RFLNA: variants seen among roughly 807,000 people sequenced by gnomAD.
RFLNA encodes the protein refilin A.
A neutral mutation model predicts 7.8 loss-of-function variants in RFLNA; 5 were observed. The observed-to-expected ratio is 0.64, with a 90% CI of 0.34 to 1.35. The LOEUF is 1.35. Ranked by LOEUF, RFLNA falls within the 40% of genes most tolerant of loss-of-function variation. The probability of loss-of-function intolerance (pLI) is 0.04; values close to 1 mark genes in which losing one functional copy is unlikely to be tolerated. For missense variants in RFLNA, 278 were observed against 305.5 expected (o/e 0.91, Z 0.67); for synonymous variants, 141 against 131.3 (o/e 1.07, Z -0.50).
At chr12:124,290,402 C>G (rs6488927), upstream of RFLNA, among the ~76,000 whole-genome samples, 1 of 152,226 alleles carries the variant, frequency 6.6e-6, no homozygotes, top group Admixed American at 6.5e-5. The surrounding 1 kb of genome is among the most constrained non-coding windows in gnomAD (Gnocchi z 4.0). Context: ...ATGTGTTTAC[C>G]TGTGTATATG....
At chr12:124,307,155 G>A (rs1435072378) in intron 1 of RFLNA, among the ~76,000 whole-genome samples, 2 of 152,252 alleles carry the variant, frequency 1.3e-5, no homozygotes, top group Non-Finnish European at 2.9e-5. Context: ...CAGAGAGCAG[G>A]GAGAGGGCCG....
intron 1 of RFLNA, among the ~76,000 whole-genome samples, chr12:124,304,454 T>G (rs1220516453): frequency 6.6e-6 from 1 of 152,136 alleles, no homozygotes; most frequent in African/African-American, 2.4e-5. Context: ...AGCCTGTGAA[T>G]TAGGCCTTGT....
chr12:124,312,502 G>T (rs982691861), intron 2 of RFLNA, among the ~76,000 whole-genome samples: 3 of 151,930 alleles, frequency 2.0e-5, no homozygotes, highest in African/African-American at 2.4e-5. Flanking sequence ...GTAGAGATGG[G>T]GTCTCACTAT....
At chr12:124,302,760 G>T (rs536900671) in intron 1 of RFLNA, among the ~76,000 whole-genome samples, 24 of 151,894 alleles carry the variant, frequency 1.6e-4, no homozygotes, top group Non-Finnish European at 2.8e-4. Flanking sequence ...GGTTCTCACC[G>T]CCAGGGAGGT....
upstream of RFLNA, among the ~76,000 whole-genome samples, chr12:124,293,310 G>A (rs1025316190): frequency 2.0e-5 from 3 of 152,198 alleles, no homozygotes; most frequent in African/African-American, 7.2e-5. Flanking sequence ...CCTGCCCTGG[G>A]TAGCTATTGT....
rs772751339 is a variant in RFLNA at position 124,314,288 on chromosome 12, C to T, written c.414C>T (p.Ile138=). ...VPTVTAYSET[I]VAAPNCTWRN... ...CCGTCACGGCCTACAGCGAGACCAT[C>T]GTGGCAGCACCCAACTGCACGTGGC... The change falls in exon 3 of 3, where the codon ATC becomes ATT. Residue 138 remains isoleucine (I), a synonymous_variant. Coordinates refer to ENST00000546355, the MANE Select transcript of RFLNA (RefSeq NM_001365156.1). The T allele has an allele frequency of 6.2e-6, 10 of 1,613,492 alleles. No individual in the cohort carries two copies. Among genetic ancestry groups the T allele is most frequent in the Middle Eastern group, 1.6e-4 (1 of 6,084 alleles).
rs1359123755 is a variant in RFLNA, at chr12:124,302,359, G to A, written c.207+6723G>A. On this transcript the variant is annotated intron_variant, in intron 1 of 2. Transcript: ENST00000546355. ...GCTGCGACGTTCGAGTTTGTTCACC[G>A]TTTCTCTGCCTTGGGTGTCAGATCC... Among the ~76,000 whole-genome samples, 3 of 152,154 alleles carry A rather than the reference G, an allele frequency of 2.0e-5. No homozygotes were observed. In the East Asian group the frequency reaches 5.8e-4, roughly 29 times the overall value.
rs767467306 is a variant in RFLNA at position 124,314,655 on chromosome 12, C to T, written c.*130C>T. ...AAGGGAGGCTGCCAGACCAAGGACC[C>T]GTGTGGAAGGAGGCGGCTCCCCGCT... On this transcript the variant is annotated 3_prime_UTR_variant, in exon 3 of 3. Coordinates refer to ENST00000546355, the MANE Select transcript of RFLNA (RefSeq NM_001365156.1). 1.0e-4 allele frequency: 146 copies of T among 1,458,442 alleles called. No individual in the cohort carries two copies. Among genetic ancestry groups the T allele is most frequent in the Non-Finnish European group, 1.3e-4 (140 of 1,076,896 alleles). The allele number at this position is 1,458,442 out of a possible 1,614,324, so 90.3% of individuals were successfully genotyped here.
At chr12:124,296,112 C>CTT (rs796252406) in intron 1 of RFLNA, among the ~76,000 whole-genome samples, 137 of 3,650 alleles carry the variant, frequency 0.038, 8 homozygotes, top group Middle Eastern at 0.5. Context: ...TTCTTTCTTT[C>CTT]TTTCTTTCTT....
At chr12:124,310,968 A>G (rs949779455) in intron 1 of RFLNA, among the ~76,000 whole-genome samples, 2 of 152,234 alleles carry the variant, frequency 1.3e-5, no homozygotes, top group African/African-American at 4.8e-5. Context: ...ACTGAGGGAC[A>G]GTTTCAGGTG....
In RFLNA at chr12:124,306,119, G is replaced by A. The variant is rs11057577; in HGVS notation, c.208-5699G>A. 0.59 allele frequency among the ~76,000 whole-genome samples: 89,446 copies of A among 151,948 alleles called. 29,650 individuals are homozygous for A. Among genetic ancestry groups the A allele is most frequent in the Non-Finnish European group, 0.76 (51,646 of 67,950 alleles). ...CGGGGCTCTCTGGGTTGGGGCAGGG[G>A]CTGCTTTGCAGGTGTGGGGTCTCCC... On this transcript the variant is annotated intron_variant, in intron 1 of 2. Transcript: ENST00000546355. This position sits in a 1 kb window ranked among gnomAD's most constrained non-coding sequence, Gnocchi z 5.2.
intron 1 of RFLNA, among the ~76,000 whole-genome samples, chr12:124,296,683 T>C (rs765480881): frequency 6.6e-6 from 1 of 152,230 alleles, no homozygotes; most frequent in Non-Finnish European, 1.5e-5. Context: ...CCTCAGGATA[T>C]GACCTTCATT....
At chr12:124,294,077 G>T (rs898052075), upstream of RFLNA, among the ~76,000 whole-genome samples, 1 of 152,202 alleles carries the variant, frequency 6.6e-6, no homozygotes, top group African/African-American at 2.4e-5. Flanking sequence ...CCCGTTCTGA[G>T]GTCCGGCCAA....
At chr12:124,301,219 C>T (rs1397740492) in intron 1 of RFLNA, among the ~76,000 whole-genome samples, 3 of 152,172 alleles carry the variant, frequency 2.0e-5, no homozygotes, top group African/African-American at 4.8e-5. Flanking sequence ...CTTCCAGCCG[C>T]GTCTGCTCGA....
At chr12:124,300,096 GC>G (rs1340809340) in intron 1 of RFLNA, among the ~76,000 whole-genome samples, 1 of 152,222 alleles carries the variant, frequency 6.6e-6, no homozygotes, top group African/African-American at 2.4e-5. Context: ...CAAATGAACA[GC>G]CCCCCTGTGG....
rs577088537 is a variant in RFLNA, at chr12:124,306,008, G to C, written c.208-5810G>C. Among the ~76,000 whole-genome samples the C allele has an allele frequency of 6.6e-6, 1 of 152,324 alleles. No homozygotes were observed. Among genetic ancestry groups the C allele is most frequent in the East Asian group, 1.9e-4 (1 of 5,180 alleles). On this transcript the variant is annotated intron_variant, in intron 1 of 2. Transcript: ENST00000546355. The surrounding 1 kb of genome is among the most constrained non-coding windows in gnomAD (Gnocchi z 5.2). Reference sequence around the variant, plus strand: ...TGTGGTCCTCAGCCCTTGTTCTGGGGTGACCGTGACTAGCAGGGATGGGGC... The same window carrying C: ...TGTGGTCCTCAGCCCTTGTTCTGGGCTGACCGTGACTAGCAGGGATGGGGC...
chr12:124,295,507 C>G lies in RFLNA; in HGVS notation c.78C>G (p.Pro26=), dbSNP rs1012681711. ...GCCGGGAGGGCTTGCTGGACAGCCC[C>G]GACTCCGGGCTGCCCCCCAGCCCCA... The part of the protein sequence containing the change: ...EQGREGLLDS[P]DSGLPPSPSP... The change falls in exon 1 of 3, where the codon CCC becomes CCG. Residue 26 remains proline (P), a synonymous_variant. Transcript: ENST00000546355. 11 of 1,110,260 alleles carry G rather than the reference C, an allele frequency of 9.9e-6. No homozygotes were observed. In the African/African-American group the frequency reaches 4.7e-4, roughly 48 times the overall value. The allele number at this position is 1,110,260 out of a possible 1,614,324, so 68.8% of individuals were successfully genotyped here.
At position 124,314,937 on chromosome 12, in the gene RFLNA, T is replaced by A. The variant is rs1235173144; in HGVS notation, c.*412T>A. On this transcript the variant is annotated 3_prime_UTR_variant, in exon 3 of 3. Coordinates refer to ENST00000546355, the MANE Select transcript of RFLNA (RefSeq NM_001365156.1). ...GACGGCTGCCACTCCCCCAGAGCCC[T>A]GCCACCCCATGTGTCCTAGGCTGGT... The A allele has an allele frequency of 8.2e-6, 3 of 367,616 alleles. No individual in the cohort carries two copies. Among genetic ancestry groups the A allele is most frequent in the African/African-American group, 2.1e-5 (1 of 47,466 alleles). 22.8% of individuals were successfully genotyped at this position (367,616 alleles called of 1,614,324 possible). A position where few individuals can be genotyped will look rare whatever the true frequency, so the allele number is the denominator to read the frequency against.
At position 124,314,442 on chromosome 12, in the gene RFLNA, C is replaced by T. The variant is rs1278606773; in HGVS notation, c.568C>T (p.Pro190Ser). 2 of 1,602,508 alleles carry T rather than the reference C, an allele frequency of 1.2e-6. No homozygotes were observed. The highest frequency in any genetic ancestry group is 1.7e-5 in the Admixed American group (1 of 59,990). Reference protein sequence around the residue: ...RTTLHCSLGRPSRWFTASVQL... With the variant: ...RTTLHCSLGRSSRWFTASVQL... The stretch of plus-strand genomic sequence containing the variant: ...CACCCTGCACTGCAGCCTGGGCCGG[C>T]CCAGCCGCTGGTTCACCGCCAGCGT... The change falls in exon 3 of 3, where the codon CCC becomes TCC. Residue 190 changes from proline (P) to serine (S), a missense_variant. By Grantham distance (74) the Pro-to-Ser change is moderately conservative. Transcript: ENST00000546355.
Sources: gnomAD v4.1 joint callset for allele counts (sites outside exome capture counted in the v4.1 genomes callset) on GRCh38, gnomAD v4.1.1 for gene constraint, Gnocchi (gnomAD v3.1) non-coding constraint, MANE v1.5 for transcripts, NCBI Gene and HGNC (gene_info 2026-07-23, HGNC 2026-07-21) for gene names.